FAM83B: variants seen among roughly 807,000 people sequenced by gnomAD.
The protein encoded by FAM83B is scaffolding CK1 anchoring protein B.
A neutral mutation model predicts 38.8 loss-of-function variants in FAM83B; 26 were observed. The observed-to-expected ratio is 0.67, with a 90% confidence interval of 0.49 to 0.93. The LOEUF is 0.93. Ranked by LOEUF, FAM83B falls within the 40% of genes least tolerant of loss-of-function variation. The probability of loss-of-function intolerance (pLI) is 0.00; values close to 1 mark genes in which losing one functional copy is unlikely to be tolerated. For missense variants in FAM83B, 1,237 were observed against 1,197.3 expected (o/e 1.03, Z -0.49); for synonymous variants, 419 against 423.1 (o/e 0.99, Z 0.12).
rs766548678 is a variant in FAM83B at position 54,944,421 on chromosome 6, C to T, written c.*2414C>T. ...AACACAAGAAAAATGGGTATAATTT[C>T]AAAGTAGTTCTTGGCAGATGGCTAG... On this transcript the variant is annotated 3_prime_UTR_variant, in exon 5 of 5. Transcript: ENST00000306858. 4 of 152,114 alleles carry T rather than the reference C, an allele frequency of 2.6e-5. No individual in the cohort carries two copies. Among genetic ancestry groups the T allele is most frequent in the Non-Finnish European group, 5.9e-5 (4 of 68,018 alleles). 9.4% of individuals were successfully genotyped at this position (152,114 alleles called of 1,614,324 possible).
chr6:54,920,922 A>C (rs1369825844), intron 2 of FAM83B, among the ~76,000 whole-genome samples: 1 of 151,926 alleles, frequency 6.6e-6, no homozygotes, highest in Non-Finnish European at 1.5e-5. Flanking sequence ...TGTAATAATG[A>C]ATCATATTTT....
rs756524817 is a variant in FAM83B at position 54,940,751 on chromosome 6, C to T, written c.1780C>T (p.Pro594Ser). 5.6e-6 allele frequency: 9 copies of T among 1,614,006 alleles called. No homozygotes were observed. In the South Asian group the frequency reaches 8.8e-5, roughly 16 times the overall value. Reference sequence around the variant, plus strand: ...GAATGTACAGCATTTGACAGACAAACCCTTGCCAGAATCAATCCCCAAGCT... The same window carrying T: ...GAATGTACAGCATTTGACAGACAAATCCTTGCCAGAATCAATCCCCAAGCT... ...PTNVQHLTDK[P>S]LPESIPKLPL... Residue 594 changes from proline to serine, a missense_variant, in exon 5 of 5, where the codon CCC becomes TCC. Pro to Ser is a moderately conservative substitution (Grantham distance 74). Coordinates refer to ENST00000306858, the MANE Select transcript of FAM83B (RefSeq NM_001010872.3).
chr6:54,929,447 G>T (rs952749439), intron 4 of FAM83B, among the ~76,000 whole-genome samples: 1 of 152,152 alleles, frequency 6.6e-6, no homozygotes, highest in Non-Finnish European at 1.5e-5. Flanking sequence ...TTGTGTGACA[G>T]CTCACTCACA....
At chr6:54,926,658 G>A (rs1773293608) in intron 3 of FAM83B, 123 bp downstream of exon 3, 3 of 670,188 alleles carry the variant, frequency 4.5e-6, no homozygotes, top group Admixed American at 6.3e-5. Flanking sequence ...CGTATTTAAG[G>A]TTATGGAATG....
Position 54,870,600 on chromosome 6 carries a change from C to A in FAM83B, c.354C>A (p.Gly118=), listed in dbSNP as rs1415076646. The A allele has an allele frequency of 1.9e-6, 3 of 1,613,882 alleles. No homozygotes were observed. In the East Asian group the frequency reaches 6.7e-5, roughly 36 times the overall value. Residue 118 remains glycine, a synonymous_variant, in exon 2 of 5, where the codon GGC becomes GGA. Transcript: ENST00000306858. ...WPYVMPGLLG[G]THIDLLFHPP... is the part of the protein sequence containing the mutation. ...ATGTGATGCCCGGACTCTTAGGGGG[C>A]ACCCATATAGATCTCCTTTTTCATC... is the stretch of plus-strand genomic sequence containing the variant.
chr6:54,939,521 G>T (rs1429241902), intron 4 of FAM83B, among the ~76,000 whole-genome samples, 185 bp from the exon 5 acceptor site: 3 of 152,088 alleles, frequency 2.0e-5, no homozygotes, highest in African/African-American at 4.8e-5. Context: ...GAGTTGCGTT[G>T]TTATTTAAAA....
At chr6:54,850,469 T>C (rs1317885363) in intron 1 of FAM83B, among the ~76,000 whole-genome samples, 1 of 152,294 alleles carries the variant, frequency 6.6e-6, no homozygotes, top group Non-Finnish European at 1.5e-5. Flanking sequence ...AAATTTTCAT[T>C]TCAAAAGGTT....
At chr6:54,887,890 C>T (rs1772314598) in intron 2 of FAM83B, among the ~76,000 whole-genome samples, 1 of 151,690 alleles carries the variant, frequency 6.6e-6, no homozygotes, top group South Asian at 2.1e-4. Flanking sequence ...TCCCTATAAA[C>T]AGTGCATAGT....
intron 2 of FAM83B, among the ~76,000 whole-genome samples, chr6:54,894,665 G>T (rs1772488241): frequency 6.6e-6 from 1 of 152,152 alleles, no homozygotes. Flanking sequence ...TACTGGAATA[G>T]AATACAAAGC....
At chr6:54,922,650 T>C (rs1307675469) in intron 2 of FAM83B, among the ~76,000 whole-genome samples, 4 of 152,074 alleles carry the variant, frequency 2.6e-5, no homozygotes. Context: ...GAAATTGTTC[T>C]TTCTAGAGAA....
intron 2 of FAM83B, among the ~76,000 whole-genome samples, chr6:54,908,841 C>T (rs7743188): frequency 0.13 from 19,405 of 152,032 alleles, 1,428 homozygotes; most frequent in Middle Eastern, 0.22. Flanking sequence ...GTTCTGGAAC[C>T]CCTCAGGTAT....
At chr6:54,857,276 G>C (rs1210029037) in intron 1 of FAM83B, among the ~76,000 whole-genome samples, 1 of 152,158 alleles carries the variant, frequency 6.6e-6, no homozygotes, top group Non-Finnish European at 1.5e-5. Flanking sequence ...CACCAAGAGT[G>C]ACTTTATTGG....
intron 1 of FAM83B, among the ~76,000 whole-genome samples, chr6:54,847,227 A>G (rs567515140): frequency 1.4e-5 from 2 of 144,108 alleles, no homozygotes; most frequent in South Asian, 4.2e-4. Context: ...ACCGCTGGGA[A>G]AAGTCTCGTG....
chr6:54,876,689 T>C (rs1486847574), intron 2 of FAM83B, among the ~76,000 whole-genome samples: 1 of 151,966 alleles, frequency 6.6e-6, no homozygotes, highest in Non-Finnish European at 1.5e-5. Flanking sequence ...CTATTACTCT[T>C]TAGTATTTTT....
At chr6:54,939,220 G>A (rs1773597111) in intron 4 of FAM83B, among the ~76,000 whole-genome samples, 1 of 152,070 alleles carries the variant, frequency 6.6e-6, no homozygotes, top group Admixed American at 6.6e-5. Context: ...ATTGGTGTAT[G>A]TGCCTATTCT....
intron 1 of FAM83B, among the ~76,000 whole-genome samples, chr6:54,852,010 T>C (rs897034962): frequency 2.1e-5 from 3 of 145,422 alleles, no homozygotes; most frequent in Admixed American, 6.8e-5. Flanking sequence ...CTCAAACTCC[T>C]GACCTTGTGA....
chr6:54,909,938 C>G (rs150123455), intron 2 of FAM83B, among the ~76,000 whole-genome samples: 1 of 152,170 alleles, frequency 6.6e-6, no homozygotes, highest in East Asian at 1.9e-4. Flanking sequence ...AAGTACATGG[C>G]CATCAGAGCA....
At chr6:54,913,402 C>T (rs547943716) in intron 2 of FAM83B, among the ~76,000 whole-genome samples, 11 of 152,060 alleles carry the variant, frequency 7.2e-5, no homozygotes, top group South Asian at 4.2e-4. Context: ...TCTCAATTTT[C>T]GCAATAATCC....
chr6:54,889,606 C>G (rs1442235880), intron 2 of FAM83B, among the ~76,000 whole-genome samples: 2 of 152,108 alleles, frequency 1.3e-5, no homozygotes, highest in Admixed American at 6.6e-5. Flanking sequence ...TTTATACTAC[C>G]TAGTACAAAG....
Sources: allele counts gnomAD v4.1 joint callset (sites outside exome capture counted in the v4.1 genomes callset), GRCh38; gene constraint gnomAD v4.1.1; transcripts MANE v1.5; gene names NCBI Gene and HGNC (gene_info 2026-07-23, HGNC 2026-07-21).